The following ROBO1 variants were observed in gnomAD, a reference collection of about 807,000 sequenced individuals.
ROBO1 encodes roundabout guidance receptor 1.
In ROBO1, 149 loss-of-function variants were observed where a neutral mutation model predicts 195.9. The observed-to-expected ratio is 0.76, with a 90% CI of 0.67 to 0.87. The LOEUF is 0.87. ROBO1 is among the 40% of genes least tolerant of loss of function. ROBO1 has a pLI of 0.00. For synonymous variants in ROBO1, 816 were observed against 733.2 expected, an observed-to-expected ratio of 1.11 and a Z score of -1.82; for missense variants, 1,933 against 2,068.3, an observed-to-expected ratio of 0.93 and a Z score of 1.27.
intron 4 of ROBO1, among the ~76,000 whole-genome samples, chr3:78,929,814 C>T (rs2039413029): frequency 6.6e-6 from 1 of 152,014 alleles, no homozygotes; most frequent in Non-Finnish European, 1.5e-5. Flanking sequence ...CGAGAAACAA[C>T]TTCCTTATCA....
At chr3:79,383,143 C>A (rs2036627747) in intron 2 of ROBO1, among the ~76,000 whole-genome samples, 1 of 152,022 alleles carries the variant, frequency 6.6e-6, no homozygotes, top group African/African-American at 2.4e-5. Context: ...AGGTTAATTG[C>A]CTGCCAAGAC....
chr3:79,692,481 A>G (rs1947324913), intron 1 of ROBO1, among the ~76,000 whole-genome samples: 1 of 151,868 alleles, frequency 6.6e-6, no homozygotes, highest in South Asian at 2.1e-4. Flanking sequence ...AAGGAAACTT[A>G]AGCACCAGAG....
chr3:78,849,459 G>A (rs1195912702), intron 4 of ROBO1, among the ~76,000 whole-genome samples: 1 of 152,050 alleles, frequency 6.6e-6, no homozygotes, highest in Non-Finnish European at 1.5e-5. Flanking sequence ...ATGTCTGGCT[G>A]AGTGAAAGTG....
chr3:79,264,315 G>A (rs189881405), intron 2 of ROBO1, among the ~76,000 whole-genome samples: 2 of 151,718 alleles, frequency 1.3e-5, no homozygotes, highest in Admixed American at 6.6e-5. Flanking sequence ...CTCTCACAAA[G>A]CTAGTCTTTC....
At chr3:78,991,100 A>G (rs1455264216) in intron 3 of ROBO1, among the ~76,000 whole-genome samples, 1 of 152,180 alleles carries the variant, frequency 6.6e-6, no homozygotes, top group Non-Finnish European at 1.5e-5. Context: ...TATTATGGAT[A>G]GGATTAGCAA....
chr3:79,161,914 A>G (rs1423964761), intron 2 of ROBO1, among the ~76,000 whole-genome samples: 1 of 152,124 alleles, frequency 6.6e-6, no homozygotes, highest in Non-Finnish European at 1.5e-5. Context: ...ACATACCATA[A>G]TTTCAAATTA....
intron 2 of ROBO1, among the ~76,000 whole-genome samples, chr3:79,484,753 A>ATTTTTTTTTTT (rs1402757273): frequency 2.3e-4 from 4 of 17,694 alleles, no homozygotes; most frequent in African/African-American, 1.3e-3. Flanking sequence ...TCATTGCACT[A>ATTTTTTTTTTT]TCTTTTTTTT....
intron 2 of ROBO1, among the ~76,000 whole-genome samples, chr3:79,397,410 C>T (rs562178702): frequency 1.3e-5 from 2 of 151,980 alleles, no homozygotes; most frequent in Admixed American, 6.6e-5. Context: ...CAGCATCTGT[C>T]GTATTGGACA....
At chr3:79,009,252 C>A (rs2077716983) in intron 3 of ROBO1, among the ~76,000 whole-genome samples, 1 of 151,498 alleles carries the variant, frequency 6.6e-6, no homozygotes, top group Non-Finnish European at 1.5e-5. Context: ...CCACGCCCAG[C>A]CTGAAGTATA....
chr3:79,511,008 T>A (rs1940674536), intron 2 of ROBO1, among the ~76,000 whole-genome samples: 1 of 151,736 alleles, frequency 6.6e-6, no homozygotes, highest in Non-Finnish European at 1.5e-5. Context: ...AATCTGCACA[T>A]TTTTTTAATT....
chr3:79,037,665 T>G (rs2078405225), intron 3 of ROBO1, among the ~76,000 whole-genome samples: 1 of 152,178 alleles, frequency 6.6e-6, no homozygotes, highest in African/African-American at 2.4e-5. Flanking sequence ...GGAAGTGTAT[T>G]TGTATGTTTA....
intron 1 of ROBO1, among the ~76,000 whole-genome samples, chr3:79,597,279 A>T (rs988377067): frequency 6.6e-6 from 1 of 151,950 alleles, no homozygotes; most frequent in Admixed American, 6.6e-5. Context: ...CGTGCTTTTC[A>T]CTTGAAATTT....
chr3:78,688,712 G>A lies in ROBO1; in HGVS notation c.1106C>T (p.Thr369Ile). Residue 369 changes from threonine to isoleucine, a missense_variant, in exon 9 of 31, where the codon ACT (threonine) becomes ATT (isoleucine). By Grantham distance (89) the Thr-to-Ile change is moderately conservative. Coordinates refer to ENST00000464233, the MANE Select transcript of ROBO1 (RefSeq NM_002941.4). ...ATTTCCGGTTGCTTCACACTGAAAA[G>A]TTACAGTCCGTCCCAAAGCAACAAC... ...DQVVALGRTV[T>I]FQCEATGNPQ... 1 of 1,609,030 alleles carries A rather than the reference G, an allele frequency of 6.2e-7. No homozygotes were observed. Among genetic ancestry groups the A allele is most frequent in the African/African-American group, 1.3e-5 (1 of 74,942 alleles).
intron 2 of ROBO1, among the ~76,000 whole-genome samples, chr3:79,213,009 G>T (rs1217707072): frequency 6.6e-6 from 1 of 151,886 alleles, no homozygotes; most frequent in Admixed American, 6.6e-5. Context: ...GACTTGGGAG[G>T]CTGAGGCAGG....
At chr3:78,960,073 G>A (rs1418517204) in intron 3 of ROBO1, among the ~76,000 whole-genome samples, 4 of 152,060 alleles carry the variant, frequency 2.6e-5, no homozygotes. Context: ...GCTGAGGTGG[G>A]AGGATTACTT....
intron 2 of ROBO1, among the ~76,000 whole-genome samples, chr3:79,358,124 T>C (rs1391849321): frequency 6.6e-6 from 1 of 152,128 alleles, no homozygotes; most frequent in Non-Finnish European, 1.5e-5. Flanking sequence ...ACATTGGTCA[T>C]GTAAGCTATT....
At chr3:79,757,715 G>T (rs965649956) in intron 1 of ROBO1, among the ~76,000 whole-genome samples, 4 of 151,938 alleles carry the variant, frequency 2.6e-5, no homozygotes, top group African/African-American at 4.8e-5. Flanking sequence ...CACCCTAATG[G>T]AAATTAATGT....
chr3:79,767,014 T>A (rs4856326), intron 1 of ROBO1, among the ~76,000 whole-genome samples: 52,261 of 151,810 alleles, frequency 0.34, 9,679 homozygotes, highest in African/African-American at 0.49. Flanking sequence ...CTGGCTTAGC[T>A]TTAAGCTCTC....
chr3:79,182,164 C>G, intron 2 of ROBO1, among the ~76,000 whole-genome samples: 1 of 151,986 alleles, frequency 6.6e-6, no homozygotes, highest in East Asian at 1.9e-4. Flanking sequence ...TCATATGATG[C>G]AACAATAAAT....
Sources: gnomAD v4.1 joint callset for allele counts (sites outside exome capture counted in the v4.1 genomes callset) on GRCh38, gnomAD v4.1.1 for gene constraint, MANE v1.5 for transcripts, NCBI Gene and HGNC (gene_info 2026-07-23, HGNC 2026-07-21) for gene names.